Variants in TUBGCP3 observed in about 807,000 individuals in gnomAD.
The protein encoded by TUBGCP3 is gamma-tubulin complex component 3.
Under a neutral mutation model 123.1 loss-of-function variants are expected in TUBGCP3, and 50 were observed. The observed-to-expected ratio is 0.41, with a 90% CI of 0.32 to 0.51. The LOEUF is 0.51. Ranked by LOEUF, TUBGCP3 falls within the 20% of genes least tolerant of loss-of-function variation. The probability of loss-of-function intolerance (pLI) is 0.36; values close to 1 mark genes in which losing one functional copy is unlikely to be tolerated. For missense variants in TUBGCP3, 882 were observed against 1,127.0 expected (o/e 0.78, Z 3.11); for synonymous variants, 405 against 413.9 (o/e 0.98, Z 0.26).
chr13:112,589,936 G>C (rs1225550745), upstream of TUBGCP3, among the ~76,000 whole-genome samples: 2 of 152,060 alleles, frequency 1.3e-5, no homozygotes, highest in Admixed American at 1.3e-4. Flanking sequence ...TGAGACTGAT[G>C]TACGGTTTGA....
At chr13:112,565,060 C>A in intron 3 of TUBGCP3, 51 bp downstream of exon 3, 1 of 1,510,168 alleles carries the variant, frequency 6.6e-7, no homozygotes, top group South Asian at 1.2e-5. Context: ...CTATACCACT[C>A]ATCATATCCT....
chr13:112,574,162 G>A (rs1256959226), intron 1 of TUBGCP3, among the ~76,000 whole-genome samples: 1 of 129,944 alleles, frequency 7.7e-6, no homozygotes, highest in African/African-American at 3.0e-5. Context: ...GCTTCCCCCT[G>A]CCCAATCCAC....
intron 2 of TUBGCP3, among the ~76,000 whole-genome samples, chr13:112,565,701 G>A (rs941486735): frequency 1.2e-4 from 18 of 152,208 alleles, no homozygotes; most frequent in Admixed American, 6.5e-4. Context: ...TTGGGAGACC[G>A]AGGCAGGTGG....
chr13:112,541,852 A>T (rs1023178153), intron 11 of TUBGCP3, among the ~76,000 whole-genome samples: 2 of 152,224 alleles, frequency 1.3e-5, no homozygotes, highest in Non-Finnish European at 2.9e-5. Flanking sequence ...AATCGCCCAA[A>T]TTCATACTAT....
At chr13:112,578,123 C>G (rs1881979550) in intron 1 of TUBGCP3, among the ~76,000 whole-genome samples, 1 of 152,114 alleles carries the variant, frequency 6.6e-6, no homozygotes, top group African/African-American at 2.4e-5. Context: ...GGAAGGCTAC[C>G]CTGACGCACC....
In TUBGCP3 at chr13:112,532,418, G is replaced by C. The variant is rs115560837; in HGVS notation, c.1336-4934C>G. ...TTTAGAATATTATCACAGCATTTAA[G>C]TAAACATTTGAATCAAGTCTGGAAA... On this transcript the variant is annotated intron_variant, in intron 11 of 21. Transcript: ENST00000261965. 9.4e-3 allele frequency among the ~76,000 whole-genome samples: 1,427 copies of C among 152,286 alleles called. 22 individuals carry two copies. Among genetic ancestry groups the C allele is most frequent in the African/African-American group, 0.032 (1,348 of 41,548 alleles).
intron 3 of TUBGCP3, among the ~76,000 whole-genome samples, chr13:112,564,726 C>T (rs1170419770): frequency 6.6e-6 from 1 of 152,012 alleles, no homozygotes; most frequent in African/African-American, 2.4e-5. Flanking sequence ...TCAATTTTTT[C>T]GTTATTCACT....
In TUBGCP3 at chr13:112,519,732, G is replaced by A. The variant is rs1399840506; in HGVS notation, c.1881+154C>T. On this transcript the variant is annotated intron_variant, in intron 15 of 21. Transcript: ENST00000261965. The surrounding 1 kb of genome is among the most constrained non-coding windows in gnomAD (Gnocchi z 6.2). ...AGATGTGCTGACCAGGCAGTAACAAGCCACAGAGTGGAGTTCCTACTCAGG... is the reference window on the plus strand; with the variant it reads ...AGATGTGCTGACCAGGCAGTAACAAACCACAGAGTGGAGTTCCTACTCAGG... 6.6e-6 allele frequency among the ~76,000 whole-genome samples: 1 copy of A among 152,260 alleles called. No homozygotes were observed. The highest frequency in any genetic ancestry group is 1.5e-5 in the Non-Finnish European group (1 of 68,044).
intron 8 of TUBGCP3, among the ~76,000 whole-genome samples, chr13:112,549,146 T>C (rs952127606): frequency 1.3e-5 from 2 of 152,186 alleles, no homozygotes; most frequent in Non-Finnish European, 2.9e-5. Flanking sequence ...CATGGAATAC[T>C]ATGCAGCCAT....
At chr13:112,518,647 T>A (rs1876360196) in intron 16 of TUBGCP3, among the ~76,000 whole-genome samples, 1 of 152,224 alleles carries the variant, frequency 6.6e-6, no homozygotes, top group Non-Finnish European at 1.5e-5. Context: ...CACTTTATAG[T>A]TCCTTTCACA....
intron 11 of TUBGCP3, among the ~76,000 whole-genome samples, chr13:112,543,863 AAAAC>A (rs1253420231): frequency 4.6e-5 from 7 of 152,236 alleles, no homozygotes; most frequent in Non-Finnish European, 8.8e-5. Context: ...CCTAAAAAGA[AAAAC>A]AAATCCATAA....
At chr13:112,602,824 T>TC in the TUBGCP3 span, 1 of 152,208 alleles carries the variant, frequency 6.6e-6, no homozygotes, top group Non-Finnish European at 1.5e-5. Context: ...AACTCCCCCA[T>TC]CATGTGTTTT....
chr13:112,527,397 T>A lies in TUBGCP3; in HGVS notation c.1423A>T (p.Met475Leu), dbSNP rs1056061529. The A allele has an allele frequency of 8.2e-6, 13 of 1,590,358 alleles. No individual in the cohort carries two copies. Among genetic ancestry groups the A allele is most frequent in the Non-Finnish European group, 1.1e-5 (13 of 1,171,328 alleles). ...TLRKSMIPSF[M>L]TMDQSRKVLL... Reference sequence around the variant, plus strand: ...ACCTTCCTAGACTGATCCATCGTCATAAACGAAGGAATCATCGATTTCCTC... The same window carrying A: ...ACCTTCCTAGACTGATCCATCGTCAAAAACGAAGGAATCATCGATTTCCTC... Residue 475 changes from methionine to leucine, a missense_variant, in exon 12 of 22, where the codon ATG (methionine) becomes TTG (leucine). Around this residue, in one of 3 missense-constraint regions of TUBGCP3, gnomAD observed 713 missense variants for 874.0 expected, o/e 0.82. Coordinates refer to ENST00000261965, the MANE Select transcript of TUBGCP3 (RefSeq NM_006322.6).
chr13:112,491,674 C>A (rs922161627), intron 20 of TUBGCP3, among the ~76,000 whole-genome samples: 1 of 152,168 alleles, frequency 6.6e-6, no homozygotes. Flanking sequence ...TTGTGGAGAA[C>A]GGGGTCTTGC....
chr13:112,516,877 G>A (rs1876178717), intron 16 of TUBGCP3, among the ~76,000 whole-genome samples: 1 of 152,178 alleles, frequency 6.6e-6, no homozygotes, highest in Non-Finnish European at 1.5e-5. Flanking sequence ...TGAGGGATCC[G>A]TGAGGCAGGG....
chr13:112,512,623 T>C (rs1052511811), intron 17 of TUBGCP3, among the ~76,000 whole-genome samples: 4 of 151,754 alleles, frequency 2.6e-5, no homozygotes, highest in Non-Finnish European at 5.9e-5. Context: ...TAATTCCAGC[T>C]ACTCATGAGG....
chr13:112,529,549 G>A (rs1217974848), intron 11 of TUBGCP3, among the ~76,000 whole-genome samples: 3 of 152,118 alleles, frequency 2.0e-5, no homozygotes, highest in Admixed American at 2.0e-4. Flanking sequence ...TATGTGGGGA[G>A]GGGGAGCCTC....
At chr13:112,603,924 CT>C in the TUBGCP3 span, 3 of 152,240 alleles carry the variant, frequency 2.0e-5, no homozygotes, top group Admixed American at 6.5e-5. Flanking sequence ...TAATTGCTTT[CT>C]GCTTTCTTCA....
At chr13:112,546,600 G>A (rs1879012623) in intron 10 of TUBGCP3, 1 of 152,366 alleles carries the variant, frequency 6.6e-6, no homozygotes, top group East Asian at 1.9e-4. Context: ...CTGTGAGATT[G>A]AATATGGGGA....
Sources: gnomAD v4.1 joint callset for allele counts (sites outside exome capture counted in the v4.1 genomes callset) on GRCh38, gnomAD v4.1.1 for gene constraint, gnomAD v4.1.1 regional missense constraint, Gnocchi (gnomAD v3.1) non-coding constraint, MANE v1.5 for transcripts, NCBI Gene and HGNC (gene_info 2026-07-23, HGNC 2026-07-21) for gene names.